WDFY2: variants seen among roughly 807,000 people sequenced by gnomAD.
The protein encoded by WDFY2 is WD repeat and FYVE domain containing 2, also known as WD repeat and FYVE domain-containing protein 2.
In WDFY2, 36 loss-of-function variants were observed where a neutral mutation model predicts 56.4. The observed-to-expected ratio is 0.64, with a 90% CI of 0.49 to 0.84. WDFY2 has a LOEUF of 0.84. Ranked by LOEUF, WDFY2 falls within the 40% of genes least tolerant of loss-of-function variation. The pLI, the probability that WDFY2 is intolerant of heterozygous loss-of-function variation, is 0.00. For missense variants in WDFY2, 444 were observed against 512.2 expected (o/e 0.87, Z 1.29); for synonymous variants, 176 against 183.7 (o/e 0.96, Z 0.34).
chr13:51,628,812 A>C (rs1954892351), intron 1 of WDFY2, among the ~76,000 whole-genome samples: 1 of 152,208 alleles, frequency 6.6e-6, no homozygotes, highest in South Asian at 2.1e-4. Context: ...GGGCCTTAGA[A>C]ACCCATTGAC....
intron 2 of WDFY2, among the ~76,000 whole-genome samples, chr13:51,661,281 AAATAGG>A (rs1955607152): frequency 6.6e-6 from 1 of 152,182 alleles, no homozygotes; most frequent in African/African-American, 2.4e-5. Flanking sequence ...TGGCCCCCCA[AAATAGG>A]AAATTTCTTT....
chr13:51,731,662 C>A (rs1377584335), intron 6 of WDFY2, among the ~76,000 whole-genome samples: 1 of 152,182 alleles, frequency 6.6e-6, no homozygotes, highest in African/African-American at 2.4e-5. Flanking sequence ...TTGAGCTCTT[C>A]CTAAGTAGTA....
chr13:51,593,495 TAAA>T (rs1430789758), intron 1 of WDFY2, among the ~76,000 whole-genome samples: 1 of 152,208 alleles, frequency 6.6e-6, no homozygotes, highest in Non-Finnish European at 1.5e-5. Context: ...TATGCCACTT[TAAA>T]ATGCTTATAG....
At chr13:51,678,826 C>T (rs539659042) in intron 3 of WDFY2, among the ~76,000 whole-genome samples, 29 of 152,040 alleles carry the variant, frequency 1.9e-4, no homozygotes, top group East Asian at 5.8e-4. Context: ...GCAGAAGTAC[C>T]GGTACACCAA....
At chr13:51,673,252 A>G (rs1955834754) in intron 2 of WDFY2, among the ~76,000 whole-genome samples, 1 of 152,226 alleles carries the variant, frequency 6.6e-6, no homozygotes, top group Non-Finnish European at 1.5e-5. Flanking sequence ...AATCACATTC[A>G]AATTTCAGTG....
At chr13:51,680,163 G>A (rs1394768133) in intron 3 of WDFY2, among the ~76,000 whole-genome samples, 3 of 152,136 alleles carry the variant, frequency 2.0e-5, no homozygotes, top group Non-Finnish European at 4.4e-5. Context: ...GTGCAGCAGC[G>A]TGATCATAGC....
chr13:51,756,928 T>G (rs1953403606), intron 10 of WDFY2, among the ~76,000 whole-genome samples: 1 of 152,210 alleles, frequency 6.6e-6, no homozygotes, highest in Non-Finnish European at 1.5e-5. Context: ...AGCTGGCTGC[T>G]TGTCAGACCT....
At chr13:51,677,360 C>T (rs1431254551) in intron 3 of WDFY2, among the ~76,000 whole-genome samples, 1 of 152,158 alleles carries the variant, frequency 6.6e-6, no homozygotes, top group African/African-American at 2.4e-5. Flanking sequence ...AGAAAGAGTT[C>T]TATGTTAGGG....
At position 51,707,939 on chromosome 13, in the gene WDFY2, C is replaced by CTTTTTTTTTTTTTTT. The variant is rs56054205; in HGVS notation, c.334+4307_334+4321dup. Among the ~76,000 whole-genome samples, 14 of 57,570 alleles carry CTTTTTTTTTTTTTTT rather than the reference C, an allele frequency of 2.4e-4. 1 individual carries two copies. The highest frequency in any genetic ancestry group is 2.7e-4 in the Non-Finnish European group (9 of 33,568). 37.8% of individuals were successfully genotyped at this position (57,570 alleles called of 152,430 possible). ...ATATATACTATTAACCCTAAAACAACTTTTTTTTTTTTTTTTTTTTTTTTT... is the reference window on the plus strand; with the variant it reads ...ATATATACTATTAACCCTAAAACAACTTTTTTTTTTTTTTTTTTTTTTTTTTTTTTTTTTTTTTTT... On this transcript the variant is annotated intron_variant, in intron 4 of 11. Transcript: ENST00000298125.
chr13:51,631,045 A>C (rs377510937), intron 1 of WDFY2, among the ~76,000 whole-genome samples: 1 of 149,660 alleles, frequency 6.7e-6, no homozygotes, highest in African/African-American at 2.4e-5. Context: ...CTCCCAAAGT[A>C]CTGGGATTAC....
chr13:51,628,710 A>G (rs906169430), intron 1 of WDFY2, among the ~76,000 whole-genome samples: 5 of 152,202 alleles, frequency 3.3e-5, no homozygotes, highest in African/African-American at 9.7e-5. Flanking sequence ...AGAGCCCTTG[A>G]TGCATCACAG....
chr13:51,649,629 T>C (rs1156839704), intron 1 of WDFY2, among the ~76,000 whole-genome samples: 1 of 137,590 alleles, frequency 7.3e-6, no homozygotes, highest in African/African-American at 2.7e-5. Context: ...CCCCTTCCTG[T>C]GTCCAAGTGT....
intron 1 of WDFY2, among the ~76,000 whole-genome samples, chr13:51,639,691 A>G (rs1448936601): frequency 1.3e-5 from 2 of 152,192 alleles, no homozygotes; most frequent in Non-Finnish European, 2.9e-5. Context: ...GTAGATGGAT[A>G]TTCGAAATAA....
intron 1 of WDFY2, among the ~76,000 whole-genome samples, chr13:51,601,173 G>A (rs1490497255): frequency 6.6e-6 from 1 of 152,030 alleles, no homozygotes. Flanking sequence ...TTATTAAATT[G>A]CATTTTGTGA....
chr13:51,667,867 C>G (rs1290003705), intron 2 of WDFY2, among the ~76,000 whole-genome samples: 1 of 137,308 alleles, frequency 7.3e-6, no homozygotes, highest in East Asian at 2.0e-4. Flanking sequence ...GAAAAAGGTA[C>G]CTGAGGAACT....
At chr13:51,759,587 A>G (rs1953515015) in intron 11 of WDFY2, among the ~76,000 whole-genome samples, 153 bp from the exon 12 acceptor site, 1 of 152,186 alleles carries the variant, frequency 6.6e-6, no homozygotes, top group South Asian at 2.1e-4. Context: ...AACTTTTTTG[A>G]TGAAAAAAAT....
chr13:51,621,766 A>G (rs1435900888), intron 1 of WDFY2, among the ~76,000 whole-genome samples: 1 of 152,148 alleles, frequency 6.6e-6, no homozygotes, highest in Non-Finnish European at 1.5e-5. Context: ...CATCAGAAAA[A>G]ATGCAGTTAA....
At chr13:51,677,848 G>A (rs1469783040) in intron 3 of WDFY2, among the ~76,000 whole-genome samples, 1 of 152,150 alleles carries the variant, frequency 6.6e-6, no homozygotes, top group Non-Finnish European at 1.5e-5. Context: ...GGGAAAGAAT[G>A]GGGACAGTTG....
chr13:51,597,797 C>A (rs1954179509), intron 1 of WDFY2, among the ~76,000 whole-genome samples: 1 of 152,162 alleles, frequency 6.6e-6, no homozygotes, highest in Admixed American at 6.5e-5. Context: ...TGAAGAAATT[C>A]TGAATATTTG....
Sources: allele counts gnomAD v4.1 joint callset (sites outside exome capture counted in the v4.1 genomes callset), GRCh38; gene constraint gnomAD v4.1.1; transcripts MANE v1.5; gene names NCBI Gene and HGNC (gene_info 2026-07-23, HGNC 2026-07-21).